The following TTC7A variants were observed in gnomAD, a reference collection of about 807,000 sequenced individuals.
TTC7A encodes the protein tetratricopeptide repeat domain 7A.
In TTC7A, 110 loss-of-function variants were observed where a neutral mutation model predicts 103.7. That is an observed-to-expected ratio of 1.06 (90% CI 0.91 to 1.24). The LOEUF (loss-of-function observed/expected upper bound fraction) is 1.24, where lower values mean the gene tolerates loss of function less well. Ranked by LOEUF, TTC7A falls within the 50% of genes most tolerant of loss-of-function variation. The pLI, the probability that TTC7A is intolerant of heterozygous loss-of-function variation, is 0.00. For synonymous variants in TTC7A, 521 were observed against 467.9 expected, an observed-to-expected ratio of 1.11 and a Z score of -1.47; for missense variants, 1,340 against 1,116.3, an observed-to-expected ratio of 1.20 and a Z score of -2.86.
chr2:47,004,510 T>G (rs1179796604), intron 8 of TTC7A, among the ~76,000 whole-genome samples: 2 of 152,178 alleles, frequency 1.3e-5, no homozygotes, highest in African/African-American at 4.8e-5. Flanking sequence ...TCTGGGTTTT[T>G]AGGGCTGGCA....
intron 2 of TTC7A, among the ~76,000 whole-genome samples, chr2:46,953,504 G>A (rs1671582893): frequency 6.6e-6 from 1 of 152,148 alleles, no homozygotes; most frequent in Non-Finnish European, 1.5e-5. Context: ...GTCACAGTTG[G>A]CGTGACCTTT....
intron 2 of TTC7A, among the ~76,000 whole-genome samples, chr2:46,920,490 C>T (rs1463887884): frequency 6.6e-6 from 1 of 151,766 alleles, no homozygotes; most frequent in Non-Finnish European, 1.5e-5. Flanking sequence ...CCACCACGCC[C>T]AGCTAATTTT....
chr2:47,056,394 T>C (rs1683316836), intron 18 of TTC7A, among the ~76,000 whole-genome samples: 1 of 151,936 alleles, frequency 6.6e-6, no homozygotes, highest in Non-Finnish European at 1.5e-5. Flanking sequence ...TGGGGGAGGG[T>C]CTCTGTAGGA....
intron 19 of TTC7A, among the ~76,000 whole-genome samples, chr2:47,069,681 G>A (rs189973631): frequency 3.3e-4 from 50 of 152,338 alleles, no homozygotes; most frequent in African/African-American, 1.1e-3. Context: ...TCCAGGTCTG[G>A]TTGGACAGGT....
At chr2:46,985,157 C>G (rs1674882964) in intron 5 of TTC7A, among the ~76,000 whole-genome samples, 1 of 152,244 alleles carries the variant, frequency 6.6e-6, no homozygotes, top group Non-Finnish European at 1.5e-5. Flanking sequence ...CAAGTGCTTT[C>G]AGTCACTTTC....
At chr2:46,990,547 G>A (rs1036514645) in intron 5 of TTC7A, among the ~76,000 whole-genome samples, 1 of 152,180 alleles carries the variant, frequency 6.6e-6, no homozygotes, top group Non-Finnish European at 1.5e-5. Context: ...CAGAACATAA[G>A]TCATATGATC....
chr2:47,043,404 A>G (rs1348409133), intron 15 of TTC7A, among the ~76,000 whole-genome samples: 1 of 152,170 alleles, frequency 6.6e-6, no homozygotes, highest in Admixed American at 6.5e-5. Flanking sequence ...CAGAGGGGAA[A>G]GGGTGATCTC....
chr2:47,021,585 C>T (rs1679275935), intron 11 of TTC7A, among the ~76,000 whole-genome samples: 1 of 152,236 alleles, frequency 6.6e-6, no homozygotes. Context: ...TGGCTTTCCT[C>T]TATGTGCCGA....
intron 8 of TTC7A, among the ~76,000 whole-genome samples, chr2:46,999,179 T>C (rs1676530829): frequency 6.6e-6 from 1 of 152,108 alleles, no homozygotes; most frequent in South Asian, 2.1e-4. Context: ...CATTAATCCA[T>C]TCATCCACCA....
At chr2:47,054,859 A>T (rs1188272545) in intron 18 of TTC7A, among the ~76,000 whole-genome samples, 1 of 148,084 alleles carries the variant, frequency 6.8e-6, no homozygotes, top group African/African-American at 2.5e-5. Context: ...AAGTCAGGGG[A>T]TCTATCCTGC....
At chr2:46,925,475 T>C (rs1418175446) in intron 2 of TTC7A, among the ~76,000 whole-genome samples, 1 of 152,108 alleles carries the variant, frequency 6.6e-6, no homozygotes, top group Non-Finnish European at 1.5e-5. Context: ...GGAGAATCTA[T>C]TGAACCTGGG....
intron 2 of TTC7A, among the ~76,000 whole-genome samples, chr2:46,923,554 C>T (rs1026688994): frequency 2.0e-5 from 3 of 151,980 alleles, no homozygotes; most frequent in African/African-American, 7.2e-5. Context: ...TGTCTCTTTA[C>T]TCTTTTTAAC....
chr2:47,012,980 C>T (rs1293347128), intron 11 of TTC7A, among the ~76,000 whole-genome samples: 2 of 152,130 alleles, frequency 1.3e-5, no homozygotes, highest in African/African-American at 2.4e-5. Flanking sequence ...TTGGAAGGAG[C>T]AGTGTAATGA....
intron 3 of TTC7A, chr2:46,958,439 C>G (rs1672079131): frequency 7.8e-7 from 1 of 1,278,576 alleles, no homozygotes; most frequent in Non-Finnish European, 1.0e-6. Flanking sequence ...GGGACTTTCT[C>G]CTGAGCCTGG....
chr2:47,014,293 A>G (rs1004256579), intron 11 of TTC7A, among the ~76,000 whole-genome samples: 12 of 152,074 alleles, frequency 7.9e-5, no homozygotes, highest in African/African-American at 2.9e-4. Context: ...ACACATCCCA[A>G]CCTGCCAGGA....
chr2:46,927,595 C>T (rs1168423046), intron 2 of TTC7A, among the ~76,000 whole-genome samples: 4 of 151,846 alleles, frequency 2.6e-5, no homozygotes, highest in Non-Finnish European at 5.9e-5. Flanking sequence ...CTCCTGACCT[C>T]GTGATCTGCT....
intron 18 of TTC7A, among the ~76,000 whole-genome samples, chr2:47,053,750 T>G (rs575279320): frequency 5.9e-5 from 9 of 152,288 alleles, no homozygotes; most frequent in African/African-American, 2.2e-4. Flanking sequence ...TTTTTTTGTA[T>G]TTTTAGTACA....
chr2:46,991,144 G>A (rs984772091), intron 5 of TTC7A, among the ~76,000 whole-genome samples: 1 of 151,926 alleles, frequency 6.6e-6, no homozygotes, highest in Non-Finnish European at 1.5e-5. Context: ...TTGAACTACT[G>A]ACCTCAAGTG....
chr2:46,944,177 C>G (rs1670716754), intron 1 of TTC7A, among the ~76,000 whole-genome samples: 1 of 151,986 alleles, frequency 6.6e-6, no homozygotes, highest in Non-Finnish European at 1.5e-5. Flanking sequence ...AGAGCCCATC[C>G]AAGTGATTAA....
Sources: allele counts gnomAD v4.1 joint callset (sites outside exome capture counted in the v4.1 genomes callset), GRCh38; gene constraint gnomAD v4.1.1; transcripts MANE v1.5; gene names NCBI Gene and HGNC (gene_info 2026-07-23, HGNC 2026-07-21).